SLC19A1: variants seen among roughly 807,000 people sequenced by gnomAD.
SLC19A1 encodes the protein solute carrier family 19 member 1.
A neutral mutation model predicts 35.3 loss-of-function variants in SLC19A1; 37 were observed. That is an observed-to-expected ratio of 1.05 (90% confidence interval 0.81 to 1.38). The LOEUF (loss-of-function observed/expected upper bound fraction) is 1.38. Ranked by LOEUF, SLC19A1 falls within the 40% of genes most tolerant of loss-of-function variation. The pLI, the probability that SLC19A1 is intolerant of heterozygous loss-of-function variation, is 0.00. For missense variants in SLC19A1, 831 were observed against 826.9 expected (o/e 1.00, Z -0.06); for synonymous variants, 460 against 398.5 (o/e 1.15, Z -1.84).
At chr21:45,516,236 A>G in intron 5 of SLC19A1, 96 bp from the exon 6 acceptor site, 3 of 962,056 alleles carry the variant, frequency 3.1e-6, no homozygotes, top group Non-Finnish European at 1.6e-6. Flanking sequence ...ACCCTCCTCC[A>G]GCTCAGAGGC....
rs949696978 is a variant in SLC19A1 at position 45,517,586 on chromosome 21, C to A, written c.1294-1446G>T. 6.6e-6 allele frequency among the ~76,000 whole-genome samples: 1 copy of A among 152,012 alleles called. No individual in the cohort carries two copies. The highest frequency in any genetic ancestry group is 1.5e-5 in the Non-Finnish European group (1 of 67,976). On this transcript the variant is annotated intron_variant, in intron 5 of 5. Coordinates refer to ENST00000311124, the MANE Select transcript of SLC19A1 (RefSeq NM_194255.4). The surrounding 1 kb of genome is among the most constrained non-coding windows in gnomAD (Gnocchi z 4.4). ...GAGCCTAGTCACCCCCGAAGCCTCA[C>A]GGAGTCAGCAGAGACCATATGGGGA...
At chr21:45,550,508 A>G (rs1256385434) in intron 1 of SLC19A1, among the ~76,000 whole-genome samples, 3 of 152,226 alleles carry the variant, frequency 2.0e-5, no homozygotes, top group Non-Finnish European at 2.9e-5. Flanking sequence ...TATTAGATCC[A>G]GAATGGAACT....
At chr21:45,541,048 C>A (rs925138317) in intron 1 of SLC19A1, among the ~76,000 whole-genome samples, 1 of 148,626 alleles carries the variant, frequency 6.7e-6, no homozygotes, top group Non-Finnish European at 1.5e-5. Context: ...AAGCATTGCA[C>A]ACCCTCCCAC....
At chr21:45,507,570 C>G, downstream of SLC19A1, 3 of 1,612,978 alleles carry the variant, frequency 1.9e-6, no homozygotes, top group Admixed American at 3.3e-5. Flanking sequence ...GCTGGAGGCC[C>G]GGACACCACT....
At position 45,530,366 on chromosome 21, in the gene SLC19A1, G is replaced by A. The variant is rs1018102509; in HGVS notation, c.1151+404C>T. On this transcript the variant is annotated intron_variant, in intron 4 of 5. Transcript: ENST00000311124. This position sits in a 1 kb window ranked among gnomAD's most constrained non-coding sequence, Gnocchi z 5.3. ...GCGCATGTGGTGTGTTCATGAGTGTGTGTGTGTCCATGTGTGAGCGTGTGG... is the reference window on the plus strand; with the variant it reads ...GCGCATGTGGTGTGTTCATGAGTGTATGTGTGTCCATGTGTGAGCGTGTGG... Among the ~76,000 whole-genome samples, 1 of 150,576 alleles carries A rather than the reference G, an allele frequency of 6.6e-6. No homozygotes were observed. The highest frequency in any genetic ancestry group is 2.5e-5 in the African/African-American group (1 of 40,626).
At chr21:45,520,488 G>C (rs186318047) in intron 5 of SLC19A1, among the ~76,000 whole-genome samples, 3 of 152,240 alleles carry the variant, frequency 2.0e-5, no homozygotes, top group Admixed American at 2.0e-4. Flanking sequence ...AGTAATCTCA[G>C]CAAAATTGCA....
intron 1 of SLC19A1, among the ~76,000 whole-genome samples, chr21:45,538,863 T>G (rs900543893): frequency 1.3e-5 from 2 of 152,226 alleles, no homozygotes; most frequent in Admixed American, 1.3e-4. Context: ...GCACCCAACC[T>G]TGGGGACCAT....
intron 3 of SLC19A1, chr21:45,502,785 G>A (rs77796177): frequency 0.012 from 1,777 of 152,338 alleles, 33 homozygotes; most frequent in African/African-American, 0.041. Context: ...TGCCCACCCT[G>A]GGAGGAGGCA....
At chr21:45,555,084 G>A (rs1248895487) in intron 1 of SLC19A1, among the ~76,000 whole-genome samples, 2 of 149,644 alleles carry the variant, frequency 1.3e-5, no homozygotes, top group Non-Finnish European at 3.0e-5. Flanking sequence ...TGGCCACCAG[G>A]GGGCGAGCGG....
chr21:45,520,259 C>T (rs1343384504), intron 5 of SLC19A1, among the ~76,000 whole-genome samples: 1 of 151,784 alleles, frequency 6.6e-6, no homozygotes, highest in Non-Finnish European at 1.5e-5. Flanking sequence ...TATCTCACCT[C>T]AAGAACCTAG....
chr21:45,525,156 A>G (rs1176871837), intron 5 of SLC19A1, among the ~76,000 whole-genome samples: 3 of 152,206 alleles, frequency 2.0e-5, no homozygotes, highest in Non-Finnish European at 2.9e-5. Flanking sequence ...TAACCCTGAC[A>G]GTCCTCCTGC....
chr21:45,556,662 G>A (rs1006963804), intron 1 of SLC19A1, among the ~76,000 whole-genome samples: 10 of 152,230 alleles, frequency 6.6e-5, no homozygotes, highest in Admixed American at 1.3e-4. Context: ...GACATGGGGT[G>A]GGGGCCAGGG....
chr21:45,551,675 G>C (rs952050047), intron 1 of SLC19A1, among the ~76,000 whole-genome samples: 2 of 152,190 alleles, frequency 1.3e-5, no homozygotes, highest in Non-Finnish European at 2.9e-5. Context: ...AAATTGTTTT[G>C]AGCTTCGATT....
At chr21:45,553,624 TC>T (rs1170867368) in intron 1 of SLC19A1, among the ~76,000 whole-genome samples, 15 of 31,884 alleles carry the variant, frequency 4.7e-4, no homozygotes, top group Middle Eastern at 0.024. Context: ...TCACCCCCAA[TC>T]CCCCCGCGCC....
At chr21:45,512,507 C>T (rs1239360962), downstream of SLC19A1, 5 of 980,272 alleles carry the variant, frequency 5.1e-6, no homozygotes, top group South Asian at 1.4e-5. Context: ...GGCTGCCATA[C>T]TTTCCTGTAT....
chr21:45,510,281 AGGGCGCGGGCTCCTC>A (rs1568952939), downstream of SLC19A1: 1 of 1,585,460 alleles, frequency 6.3e-7, no homozygotes, highest in Non-Finnish European at 8.6e-7. Context: ...TCCAGTCCTG[AGGGCGCGGGCTCCTC>A]GGCCCCCACT....
In SLC19A1 at chr21:45,533,770, C is replaced by T. The variant is rs1239474400; in HGVS notation, c.190-1622G>A. 2.6e-5 allele frequency among the ~76,000 whole-genome samples: 4 copies of T among 152,234 alleles called. No individual in the cohort carries two copies. Among genetic ancestry groups the T allele is most frequent in the South Asian group, 4.1e-4 (2 of 4,826 alleles). On this transcript the variant is annotated intron_variant, in intron 2 of 5. Coordinates refer to ENST00000311124, the MANE Select transcript of SLC19A1 (RefSeq NM_194255.4). This position sits in a 1 kb window ranked among gnomAD's most constrained non-coding sequence, Gnocchi z 4.5. ...GGCAGGACCAAACCCTGGGTCAGCA[C>T]GTGGGGTGCTGCGCCGAGCCACGCC...
chr21:45,525,664 C>A (rs922397827), intron 5 of SLC19A1, among the ~76,000 whole-genome samples, 153 bp downstream of exon 5: 2 of 152,242 alleles, frequency 1.3e-5, no homozygotes, highest in African/African-American at 4.8e-5. Context: ...TTCCTGCTCT[C>A]GCTGGCCTGG....
At chr21:45,553,796 GCCCCCTCCCAGTCCCCCA>G (rs2078498907) in intron 1 of SLC19A1, among the ~76,000 whole-genome samples, 1 of 440 alleles carries the variant, frequency 2.3e-3, no homozygotes, top group Admixed American at 0.017. Context: ...AATCCCCCAC[GCCCCCTCCCAGTCCCCCA>G]CGCCCCCTCC....
Sources: allele counts gnomAD v4.1 joint callset (sites outside exome capture counted in the v4.1 genomes callset), GRCh38; gene constraint gnomAD v4.1.1; non-coding constraint Gnocchi (gnomAD v3.1); transcripts MANE v1.5; gene names NCBI Gene and HGNC (gene_info 2026-07-23, HGNC 2026-07-21).